The following BMPR2 variants were observed in gnomAD, a reference collection of about 807,000 sequenced individuals.
The protein encoded by BMPR2 is bone morphogenetic protein receptor type-2.
In BMPR2, 29 loss-of-function variants were observed where a neutral mutation model predicts 100.8. That is an observed-to-expected ratio of 0.29 (90% CI 0.21 to 0.39). BMPR2 has a LOEUF of 0.39. Ranked by LOEUF, BMPR2 falls within the 10% of genes least tolerant of loss-of-function variation. The pLI, the probability that BMPR2 is intolerant of heterozygous loss-of-function variation, is 1.00. For synonymous variants in BMPR2, 382 were observed against 442.3 expected, an observed-to-expected ratio of 0.86 and a Z score of 1.71; for missense variants, 1,011 against 1,274.5, an observed-to-expected ratio of 0.79 and a Z score of 3.15.
intron 3 of BMPR2, chr2:202,474,633 C>T (rs1477567980): frequency 1.3e-5 from 2 of 152,258 alleles, no homozygotes; most frequent in African/African-American, 4.8e-5. Flanking sequence ...ATTCTCCTGC[C>T]TCAGCCTCCT....
At chr2:202,527,812 A>T (rs181613107) in intron 7 of BMPR2, among the ~76,000 whole-genome samples, 46 of 152,106 alleles carry the variant, frequency 3.0e-4, no homozygotes, top group South Asian at 1.9e-3. Context: ...ATAATAATAA[A>T]AAAATAAATA....
At chr2:202,382,283 C>T (rs1453842110) in intron 1 of BMPR2, among the ~76,000 whole-genome samples, 1 of 152,262 alleles carries the variant, frequency 6.6e-6, no homozygotes, top group Non-Finnish European at 1.5e-5. Flanking sequence ...CGGTCTCGAA[C>T]TCCTGATCTT....
At chr2:202,422,156 G>A (rs750785753) in intron 1 of BMPR2, among the ~76,000 whole-genome samples, 1 of 151,938 alleles carries the variant, frequency 6.6e-6, no homozygotes, top group African/African-American at 2.4e-5. Context: ...ATCTGCCCGC[G>A]TCGGCCTCCC....
intron 1 of BMPR2, among the ~76,000 whole-genome samples, chr2:202,457,561 TAGAGAGAGAGAG>T (rs72489501): frequency 8.5e-4 from 81 of 94,846 alleles, no homozygotes; most frequent in African/African-American, 2.5e-3. Flanking sequence ...TATATATATA[TAGAGAGAGAGAG>T]AGAGAGAGAG....
intron 12 of BMPR2, among the ~76,000 whole-genome samples, chr2:202,559,459 GT>G (rs1490341237): frequency 3.3e-5 from 5 of 152,122 alleles, no homozygotes; most frequent in Non-Finnish European, 5.9e-5. Context: ...GTGTGTGTGT[GT>G]TTTCCCTTGC....
chr2:202,390,339 T>G (rs920963959), intron 1 of BMPR2, among the ~76,000 whole-genome samples: 4 of 151,534 alleles, frequency 2.6e-5, no homozygotes, highest in Non-Finnish European at 5.9e-5. Context: ...TCGTGTTTTT[T>G]TTTTTTTTTT....
At chr2:202,528,589 A>G (rs1321135081) in intron 7 of BMPR2, among the ~76,000 whole-genome samples, 2 of 152,398 alleles carry the variant, frequency 1.3e-5, no homozygotes, top group East Asian at 3.9e-4. Flanking sequence ...CCTACTGAAC[A>G]TCATAGCTTA....
intron 1 of BMPR2, among the ~76,000 whole-genome samples, chr2:202,380,923 C>CCCTG (rs1690271914): frequency 9.6e-6 from 1 of 104,676 alleles, no homozygotes. Flanking sequence ...CTGGCCCTGG[C>CCCTG]CCTGGCCCTG....
At chr2:202,481,480 G>C (rs1009240201) in intron 3 of BMPR2, among the ~76,000 whole-genome samples, 3 of 152,064 alleles carry the variant, frequency 2.0e-5, no homozygotes, top group Admixed American at 1.3e-4. Context: ...TGCCTGGCCT[G>C]TTTTTCTTTT....
At chr2:202,457,572 A>C (rs1692145297) in intron 1 of BMPR2, among the ~76,000 whole-genome samples, 1 of 122,054 alleles carries the variant, frequency 8.2e-6, no homozygotes, top group African/African-American at 3.0e-5. Flanking sequence ...AGAGAGAGAG[A>C]GAGAGAGAGA....
At chr2:202,487,311 T>C (rs1692800476) in intron 3 of BMPR2, among the ~76,000 whole-genome samples, 1 of 152,162 alleles carries the variant, frequency 6.6e-6, no homozygotes, top group South Asian at 2.1e-4. Context: ...GGTTGGGCAC[T>C]TCTAATGAAT....
chr2:202,540,040 A>T (rs1348378661), intron 9 of BMPR2, among the ~76,000 whole-genome samples: 4 of 152,156 alleles, frequency 2.6e-5, no homozygotes, highest in Non-Finnish European at 1.5e-5. Context: ...AGTTAGCACT[A>T]AACAAGTTTC....
Position 202,467,532 on chromosome 2 carries a change from C to T in BMPR2, c.261C>T (p.His87=), listed in dbSNP as rs1234205940. 4 of 1,557,830 alleles carry T rather than the reference C, an allele frequency of 2.6e-6. No homozygotes were observed. In the African/African-American group the frequency reaches 5.4e-5, roughly 21 times the overall value. The change falls in exon 3 of 13, where the codon CAC becomes CAT. Residue 87 remains histidine (H), a synonymous_variant. Coordinates refer to ENST00000374580, the MANE Select transcript of BMPR2 (RefSeq NM_001204.7). ...INLVKQGCWS[H]IGDPQECHYE... ...ATTGATTTATAGGATGTTGGTCTCA[C>T]ATTGGAGATCCCCAAGAGTGTCACT...
chr2:202,498,508 T>C (rs1490385546), intron 3 of BMPR2, among the ~76,000 whole-genome samples: 3 of 141,132 alleles, frequency 2.1e-5, no homozygotes, highest in African/African-American at 8.2e-5. Flanking sequence ...TGGGCAGGGG[T>C]TGTTTCTGCT....
At chr2:202,448,306 C>T (rs1205090887) in intron 1 of BMPR2, among the ~76,000 whole-genome samples, 4 of 150,836 alleles carry the variant, frequency 2.7e-5, no homozygotes, top group Non-Finnish European at 5.9e-5. Flanking sequence ...AAAAAATTAG[C>T]CGGGCATGGT....
Position 202,503,404 on chromosome 2 carries a change from G to A in BMPR2, c.419-10315G>A, listed in dbSNP as rs74862604. On this transcript the variant is annotated intron_variant, in intron 3 of 12. Coordinates refer to ENST00000374580, the MANE Select transcript of BMPR2 (RefSeq NM_001204.7). This position sits in a 1 kb window ranked among gnomAD's most constrained non-coding sequence, Gnocchi z 4.0. ...GGAGGGAGAGGCGCAAGCAGGAACCGGGGCGGCGTGCCGCGCTTGCGGGCC... is the reference window on the plus strand; with the variant it reads ...GGAGGGAGAGGCGCAAGCAGGAACCAGGGCGGCGTGCCGCGCTTGCGGGCC... Among the ~76,000 whole-genome samples, 490 of 152,354 alleles carry A rather than the reference G, an allele frequency of 3.2e-3. 2 individuals are homozygous for A. Among genetic ancestry groups the A allele is most frequent in the African/African-American group, 0.011 (473 of 41,590 alleles).
Position 202,457,125 on chromosome 2 carries a change from T to C in BMPR2, c.77-7684T>C, listed in dbSNP as rs562151956. 4.6e-5 allele frequency among the ~76,000 whole-genome samples: 7 copies of C among 152,208 alleles called. No individual in the cohort carries two copies. The South Asian group carries it at 8.3e-4, about 18-fold the overall frequency. ...ATTTTCAAAACAGATTTATTATCTA[T>C]CTACCTACCTACCTACCTATCAATC... On this transcript the variant is annotated intron_variant, in intron 1 of 12. Coordinates refer to ENST00000374580, the MANE Select transcript of BMPR2 (RefSeq NM_001204.7).
chr2:202,489,453 A>G (rs961216462), intron 3 of BMPR2, among the ~76,000 whole-genome samples: 1 of 152,264 alleles, frequency 6.6e-6, no homozygotes, highest in South Asian at 2.1e-4. Context: ...TTAAGTCACA[A>G]TAGATGGAAT....
chr2:202,436,191 C>T lies in BMPR2; in HGVS notation c.77-28618C>T, dbSNP rs761777672. On this transcript the variant is annotated intron_variant, in intron 1 of 12. Coordinates refer to ENST00000374580, the MANE Select transcript of BMPR2 (RefSeq NM_001204.7). ...TATCTTGGCTAGGCACAGTGGCTTA[C>T]GCCTATAATCCCAGCACTTTGGGAG... is the stretch of plus-strand genomic sequence containing the variant. Among the ~76,000 whole-genome samples, 34 of 150,778 alleles carry T rather than the reference C, an allele frequency of 2.3e-4. 1 individual carries two copies. The highest frequency in any genetic ancestry group is 4.0e-4 in the Non-Finnish European group (27 of 68,036).
Sources: gnomAD v4.1 joint callset for allele counts (sites outside exome capture counted in the v4.1 genomes callset) on GRCh38, gnomAD v4.1.1 for gene constraint, Gnocchi (gnomAD v3.1) non-coding constraint, MANE v1.5 for transcripts, NCBI Gene and HGNC (gene_info 2026-07-23, HGNC 2026-07-21) for gene names.